SRPRB: variants seen among roughly 807,000 people sequenced by gnomAD.
SRPRB encodes signal recognition particle receptor subunit beta.
Under a neutral mutation model 31.9 loss-of-function variants are expected in SRPRB, and 20 were observed. The observed-to-expected ratio is 0.63, with a 90% CI of 0.44 to 0.91. The LOEUF (loss-of-function observed/expected upper bound fraction) is 0.91, where lower values mean the gene tolerates loss of function less well. Ranked by LOEUF, SRPRB falls within the 40% of genes least tolerant of loss-of-function variation. The pLI is 0.00. For synonymous variants in SRPRB, 146 were observed against 132.8 expected, an observed-to-expected ratio of 1.10 and a Z score of -0.68; for missense variants, 321 against 324.9, an observed-to-expected ratio of 0.99 and a Z score of 0.09.
At chr3:133,805,265 T>G (rs985916533), upstream of SRPRB, among the ~76,000 whole-genome samples, 14 of 152,204 alleles carry the variant, frequency 9.2e-5, no homozygotes, top group Admixed American at 8.5e-4. Flanking sequence ...ACATACATCG[T>G]TTCTTACACT....
upstream of SRPRB, among the ~76,000 whole-genome samples, chr3:133,802,422 G>C (rs1417071466): frequency 4.6e-5 from 7 of 151,964 alleles, no homozygotes; most frequent in African/African-American, 1.7e-4. Context: ...AAAATTAAAA[G>C]TATTTAGAAT....
downstream of SRPRB, chr3:133,828,461 A>G (rs1013582295): frequency 4.9e-6 from 2 of 411,458 alleles, no homozygotes; most frequent in Admixed American, 4.3e-5. Context: ...CATCTTTCAA[A>G]TAAAAATGAC....
chr3:133,801,687 T>A (rs1935064932), upstream of SRPRB, among the ~76,000 whole-genome samples: 1 of 152,192 alleles, frequency 6.6e-6, no homozygotes, highest in South Asian at 2.1e-4. Context: ...CCAGTGATTT[T>A]TCTAAAGAGG....
chr3:133,821,457 A>C lies in SRPRB; in HGVS notation c.*1691A>C, dbSNP rs1417108493. ...GTCATCATAGTAGGAGCTCATGGGA[A>C]TAAAAGTCAGTGGCTTGATGCTTCT... On this transcript the variant is annotated 3_prime_UTR_variant, in exon 7 of 7. Transcript: ENST00000678299. 1 of 152,216 alleles carries C rather than the reference A, an allele frequency of 6.6e-6. No homozygotes were observed. Among genetic ancestry groups the C allele is most frequent in the East Asian group, 1.9e-4 (1 of 5,198 alleles). The allele number at this position is 152,216 out of a possible 1,614,324, so 9.4% of individuals were successfully genotyped here.
intron 2 of SRPRB, 134 bp downstream of exon 2, chr3:133,806,837 T>C (rs1935170815): frequency 1.5e-6 from 1 of 669,074 alleles, no homozygotes; most frequent in East Asian, 2.7e-5. Flanking sequence ...TTGACTTACT[T>C]GGGAGAACAA....
downstream of SRPRB, among the ~76,000 whole-genome samples, chr3:133,823,176 G>T (rs1407958761): frequency 6.6e-6 from 1 of 152,212 alleles, no homozygotes; most frequent in East Asian, 1.9e-4. Context: ...CTTTTCCACT[G>T]GCCTCTGAAG....
chr3:133,821,612 AAAG>A (rs1056651892), downstream of SRPRB: 2 of 152,210 alleles, frequency 1.3e-5, no homozygotes. Flanking sequence ...TTCAAGGCCT[AAAG>A]AAGGTCTTCC....
intron 6 of SRPRB, among the ~76,000 whole-genome samples, chr3:133,817,435 A>G (rs954100204): frequency 3.3e-5 from 5 of 152,260 alleles, no homozygotes; most frequent in Admixed American, 2.0e-4. Flanking sequence ...GAGGAAGACT[A>G]CAAGTCTTTG....
intron 3 of SRPRB, chr3:133,810,161 A>T (rs2107970619): frequency 6.6e-6 from 1 of 151,026 alleles, no homozygotes; most frequent in South Asian, 2.1e-4. Flanking sequence ...ACAGTACTTA[A>T]AAAAAAAAGA....
chr3:133,805,811 C>T (rs761421916), upstream of SRPRB: 3 of 1,578,388 alleles, frequency 1.9e-6, no homozygotes, highest in Admixed American at 3.6e-5. Flanking sequence ...TGCAGGGCCA[C>T]GTCGCTTTTG....
intron 4 of SRPRB, among the ~76,000 whole-genome samples, chr3:133,812,735 T>G (rs1347701313): frequency 6.6e-6 from 1 of 152,236 alleles, no homozygotes; most frequent in Non-Finnish European, 1.5e-5. Flanking sequence ...TCCAATAATA[T>G]CAGTTTCCTT....
intron 1 of SRPRB, chr3:133,796,279 C>T (rs1374794242): frequency 6.6e-6 from 1 of 152,554 alleles, no homozygotes; most frequent in Non-Finnish European, 1.5e-5. Context: ...GGGACTAGGC[C>T]TCAAGCCAAC....
chr3:133,813,523 T>G (rs1219301214), intron 4 of SRPRB, among the ~76,000 whole-genome samples: 1 of 152,244 alleles, frequency 6.6e-6, no homozygotes, highest in Non-Finnish European at 1.5e-5. Context: ...TTAATATCAT[T>G]TACTATATTT....
downstream of SRPRB, chr3:133,827,318 G>C (rs1935580450): frequency 6.6e-6 from 1 of 152,274 alleles, no homozygotes; most frequent in Non-Finnish European, 1.5e-5. Context: ...CAGCAGGGAG[G>C]GTGGGGTTTA....
Position 133,805,890 on chromosome 3 carries a change from T to C in SRPRB, c.42T>C (p.Gly14=), listed in dbSNP as rs1174597035. 3.7e-6 allele frequency: 6 copies of C among 1,613,184 alleles called. No individual in the cohort carries two copies. Among genetic ancestry groups the C allele is most frequent in the Non-Finnish European group, 5.1e-6 (6 of 1,179,642 alleles). ...CGCGCCGGGTGGCAGATGGCGGCGG[T>C]GCCGGGGGCACCTTCCAGCCCTACC... ...ADSRRVADGG[G]AGGTFQPYLD... Residue 14 remains glycine, a synonymous_variant, in exon 1 of 7, where the codon GGT becomes GGC. Coordinates refer to ENST00000678299, the MANE Select transcript of SRPRB (RefSeq NM_001379313.1).
intron 4 of SRPRB, among the ~76,000 whole-genome samples, chr3:133,812,984 A>T (rs1409653089): frequency 6.6e-6 from 1 of 152,190 alleles, no homozygotes; most frequent in Non-Finnish European, 1.5e-5. Flanking sequence ...ATGAGTAGTC[A>T]AATGTTTTCA....
intron 1 of SRPRB, 139 bp downstream of exon 1, chr3:133,806,141 C>G (rs1025557137): frequency 3.5e-6 from 4 of 1,147,136 alleles, no homozygotes; most frequent in African/African-American, 1.6e-5. Context: ...CAGTCTACAC[C>G]CCACCCTCTC....
At chr3:133,814,851 C>A (rs770985914) in intron 4 of SRPRB, among the ~76,000 whole-genome samples, 21 of 152,222 alleles carry the variant, frequency 1.4e-4, no homozygotes, top group Non-Finnish European at 2.6e-4. Context: ...CAGGCCCTAC[C>A]TGGTCACTGT....
chr3:133,818,784 CAG>C (rs1491553402), intron 6 of SRPRB, among the ~76,000 whole-genome samples: 3 of 85,108 alleles, frequency 3.5e-5, no homozygotes, highest in African/African-American at 1.0e-4. Context: ...AATACTTTTA[CAG>C]TGTGTGTGTG....
Sources: gnomAD v4.1 joint callset for allele counts (sites outside exome capture counted in the v4.1 genomes callset) on GRCh38, gnomAD v4.1.1 for gene constraint, MANE v1.5 for transcripts, NCBI Gene and HGNC (gene_info 2026-07-23, HGNC 2026-07-21) for gene names.